CYFIP2: variants seen among roughly 807,000 people sequenced by gnomAD.
The protein encoded by CYFIP2 is cytoplasmic FMR1 interacting protein 2.
In CYFIP2, 29 loss-of-function variants were observed where a neutral mutation model predicts 158.7. The ratio of observed to expected loss-of-function variants is 0.18; its 90% confidence interval spans 0.14 to 0.25. The LOEUF (loss-of-function observed/expected upper bound fraction) is 0.25, where lower values mean the gene tolerates loss of function less well. Ranked by LOEUF, CYFIP2 falls within the 10% of genes least tolerant of loss-of-function variation. The probability of loss-of-function intolerance (pLI) is 1.00; values close to 1 mark genes in which losing one functional copy is unlikely to be tolerated. For missense variants in CYFIP2, 852 were observed against 1,639.5 expected (o/e 0.52, Z 8.29); for synonymous variants, 585 against 617.6 (o/e 0.95, Z 0.78).
At chr5:157,391,092 G>A (rs1049334951) in intron 30 of CYFIP2, among the ~76,000 whole-genome samples, 21 of 152,080 alleles carry the variant, frequency 1.4e-4, no homozygotes, top group Non-Finnish European at 2.1e-4. Context: ...AAGCTTCCCA[G>A]GAGAGGGAGG....
intron 6 of CYFIP2, among the ~76,000 whole-genome samples, chr5:157,301,253 A>G (rs527312283): frequency 5.9e-5 from 9 of 152,206 alleles, no homozygotes; most frequent in Non-Finnish European, 1.2e-4. Flanking sequence ...TCATAAAGCC[A>G]ATTCAAACAG....
chr5:157,389,062 G>T (rs1766991650), intron 28 of CYFIP2, 127 bp from the exon 29 acceptor site: 2 of 865,260 alleles, frequency 2.3e-6, no homozygotes, highest in Non-Finnish European at 3.5e-6. Flanking sequence ...GCCCTGCTCT[G>T]AACAAGACCA....
At chr5:157,280,987 C>T (rs1412544353) in intron 1 of CYFIP2, among the ~76,000 whole-genome samples, 1 of 152,068 alleles carries the variant, frequency 6.6e-6, no homozygotes, top group Non-Finnish European at 1.5e-5. Flanking sequence ...AAATAAGGTC[C>T]ACACATGATA....
rs1763618483 is a variant in CYFIP2 at position 157,359,071 on chromosome 5, A to G, written c.2740A>G (p.Lys914Glu). Residue 914 changes from lysine to glutamate, a missense_variant, in exon 24 of 31, where the codon AAG becomes GAG. By Grantham distance (56) the Lys-to-Glu change is moderately conservative. Transcript: ENST00000620254. ...GAATTTCGTGGGGCCACCTCATTTCAAGACTATCTGCAGACTCCTGGGTTA... is the reference window on the plus strand; with the variant it reads ...GAATTTCGTGGGGCCACCTCATTTCGAGACTATCTGCAGACTCCTGGGTTA... ...YRNFVGPPHF[K>E]TICRLLGYQG... The G allele has an allele frequency of 6.2e-7, 1 of 1,613,836 alleles. No homozygotes were observed.
At chr5:157,335,968 G>A (rs1761824354) in intron 21 of CYFIP2, among the ~76,000 whole-genome samples, 1 of 152,184 alleles carries the variant, frequency 6.6e-6, no homozygotes, top group African/African-American at 2.4e-5. Context: ...AAAACAAGCA[G>A]TGAAAGCCCT....
intron 28 of CYFIP2, among the ~76,000 whole-genome samples, chr5:157,385,204 G>A (rs2047859275): frequency 6.6e-6 from 1 of 152,200 alleles, no homozygotes; most frequent in African/African-American, 2.4e-5. Context: ...TTAGAGGACT[G>A]TGAATTCCTT....
In CYFIP2 at chr5:157,326,280, C is replaced by T. The variant is rs1372463940; in HGVS notation, c.2079+13C>T. ...GATAGAAGCTGAGGCAAGTGATGTG[C>T]TTCTCTTTTTGCTCCTTTAATCTTG... On this transcript the variant is annotated intron_variant, in intron 18 of 30. Transcript: ENST00000620254. The T allele has an allele frequency of 2.5e-6, 4 of 1,602,088 alleles. No individual in the cohort carries two copies. The highest frequency in any genetic ancestry group is 3.3e-4 in the Middle Eastern group (2 of 6,040).
At chr5:157,369,898 TA>T (rs1290360076) in intron 26 of CYFIP2, among the ~76,000 whole-genome samples, 12 of 149,562 alleles carry the variant, frequency 8.0e-5, no homozygotes, top group African/African-American at 2.5e-4. Flanking sequence ...TTTTTTTTTT[TA>T]AAGACAGAGT....
chr5:157,361,456 T>C lies in CYFIP2; in HGVS notation c.2909-12T>C, dbSNP rs1763822513. 1 of 1,613,688 alleles carries C rather than the reference T, an allele frequency of 6.2e-7. No homozygotes were observed. Among genetic ancestry groups the C allele is most frequent in the Non-Finnish European group, 8.5e-7 (1 of 1,179,900 alleles). On this transcript the variant is annotated splice_polypyrimidine_tract_variant and intron_variant, in intron 25 of 30. Transcript: ENST00000620254. The surrounding 1 kb of genome is among the most constrained non-coding windows in gnomAD (Gnocchi z 4.4). ...GTCAACTTCCCACTGACCACCCCGATTCACCTCCCAGGGATCCTGGAGTTC... is the reference window on the plus strand; with the variant it reads ...GTCAACTTCCCACTGACCACCCCGACTCACCTCCCAGGGATCCTGGAGTTC...
intron 1 of CYFIP2, among the ~76,000 whole-genome samples, chr5:157,280,074 A>G (rs2081275): frequency 0.23 from 34,247 of 152,194 alleles, 5,162 homozygotes; most frequent in East Asian, 0.59. Context: ...CATTAACATA[A>G]ACAGACTCCT....
chr5:157,307,663 G>GTGTA (rs1206809406), intron 8 of CYFIP2, 98 bp from the exon 9 acceptor site: 5 of 649,056 alleles, frequency 7.7e-6, no homozygotes, highest in Admixed American at 2.2e-5. Context: ...GTGTATGTGT[G>GTGTA]TGTGTGTGTG....
chr5:157,325,831 C>A, intron 17 of CYFIP2, 193 bp downstream of exon 17: 1 of 607,366 alleles, frequency 1.6e-6, no homozygotes, highest in Non-Finnish European at 2.7e-6. Flanking sequence ...AGTTTCCCAG[C>A]CCAACTGCCC....
At chr5:157,354,588 AT>A (rs1257198799) in intron 23 of CYFIP2, among the ~76,000 whole-genome samples, 1 of 149,918 alleles carries the variant, frequency 6.7e-6, no homozygotes, top group Non-Finnish European at 1.5e-5. Flanking sequence ...GTCGGGGGGG[AT>A]TTTTTTTAAT....
At chr5:157,376,828 T>C in intron 26 of CYFIP2, 1 of 451,948 alleles carries the variant, frequency 2.2e-6, no homozygotes, top group Non-Finnish European at 4.4e-6. Flanking sequence ...TCAGATCTAC[T>C]CTGCAGACTC....
chr5:157,311,482 A>G lies in CYFIP2; in HGVS notation c.993-182A>G. 2 of 603,818 alleles carry G rather than the reference A, an allele frequency of 3.3e-6. No individual in the cohort carries two copies. Among genetic ancestry groups the G allele is most frequent in the Non-Finnish European group, 6.0e-6 (2 of 335,496 alleles). 37.4% of individuals were successfully genotyped at this position (603,818 alleles called of 1,614,324 possible). ...AAAGAGGAGGAGGAAGGACTGTTCC[A>G]TTAGGCCTGAAGCTCCCACAGTGTT... is the stretch of plus-strand genomic sequence containing the variant. On this transcript the variant is annotated intron_variant, in intron 10 of 30. Transcript: ENST00000620254. The surrounding 1 kb of genome is among the most constrained non-coding windows in gnomAD (Gnocchi z 4.7).
intron 1 of CYFIP2, among the ~76,000 whole-genome samples, chr5:157,273,448 G>T (rs1005345593): frequency 6.6e-6 from 1 of 152,092 alleles, no homozygotes; most frequent in African/African-American, 2.4e-5. Flanking sequence ...TTTACTCCAG[G>T]GTGGGGCAGC....
chr5:157,328,155 CAG>C (rs1761171999), intron 19 of CYFIP2, 106 bp downstream of exon 19: 5 of 1,119,026 alleles, frequency 4.5e-6, no homozygotes, highest in East Asian at 2.6e-5. Flanking sequence ...CTTAGGAAAA[CAG>C]AGCCATTCCA....
Position 157,319,820 on chromosome 5 carries a change from A to C in CYFIP2, c.1415A>C (p.Asn472Thr). The C allele has an allele frequency of 6.2e-7, 1 of 1,614,126 alleles. No homozygotes were observed. Among genetic ancestry groups the C allele is most frequent in the Non-Finnish European group, 8.5e-7 (1 of 1,179,936 alleles). Residue 472 changes from asparagine to threonine, a missense_variant, in exon 14 of 31, where the codon AAC (asparagine) becomes ACC (threonine). This residue lies in a region of CYFIP2 where 167 missense variants were observed against 343.3 expected (regional missense o/e 0.49). Coordinates refer to ENST00000620254, the MANE Select transcript of CYFIP2 (RefSeq NM_001037333.3). ...VLMGRMESVF[N>T]QAIRNTIYAA... ...ATGGGCAGGATGGAGAGCGTCTTCA[A>C]CCAGGCCATCAGGAACACCATCTAC...
chr5:157,314,212 C>T (rs2113062271), intron 11 of CYFIP2, 132 bp from the exon 12 acceptor site: 1 of 1,205,920 alleles, frequency 8.3e-7, no homozygotes, highest in East Asian at 2.8e-5. Context: ...AGGCACTTGT[C>T]TGAGCCTCAG....
Sources: allele counts gnomAD v4.1 joint callset (sites outside exome capture counted in the v4.1 genomes callset), GRCh38; gene constraint gnomAD v4.1.1; regional missense constraint gnomAD v4.1.1; non-coding constraint Gnocchi (gnomAD v3.1); transcripts MANE v1.5; gene names NCBI Gene and HGNC (gene_info 2026-07-23, HGNC 2026-07-21).